HFM1: variants seen among roughly 807,000 people sequenced by gnomAD.
The protein encoded by HFM1 is probable ATP-dependent DNA helicase HFM1.
Under a neutral mutation model 192.1 loss-of-function variants are expected in HFM1, and 169 were observed. The ratio of observed to expected loss-of-function variants is 0.88; its 90% confidence interval spans 0.78 to 1.00. The LOEUF (loss-of-function observed/expected upper bound fraction) is 1.00, where lower values mean the gene tolerates loss of function less well. HFM1 is among the 50% of genes least tolerant of loss of function. HFM1 has a pLI of 0.00. For synonymous variants in HFM1, 525 were observed against 537.8 expected, an observed-to-expected ratio of 0.98 and a Z score of 0.33; for missense variants, 1,661 against 1,668.0, an observed-to-expected ratio of 1.00 and a Z score of 0.07.
intron 30 of HFM1, among the ~76,000 whole-genome samples, chr1:91,301,146 C>A (rs1232889012): frequency 4.6e-5 from 7 of 151,962 alleles, no homozygotes; most frequent in African/African-American, 1.2e-4. Flanking sequence ...CAATAACAGA[C>A]AAACAGAGCC....
chr1:91,369,897 G>A (rs907181117), intron 13 of HFM1, among the ~76,000 whole-genome samples: 1 of 152,110 alleles, frequency 6.6e-6, no homozygotes, highest in Non-Finnish European at 1.5e-5. Flanking sequence ...AATAAAAAAT[G>A]ATAAAGGGGA....
At position 91,380,504 on chromosome 1, in the gene HFM1, A is replaced by C. The variant is rs188003959; in HGVS notation, c.874-268T>G. Among the ~76,000 whole-genome samples the C allele has an allele frequency of 7.2e-5, 11 of 152,294 alleles. No homozygotes were observed. The East Asian group carries it at 1.2e-3, about 16-fold the overall frequency. On this transcript the variant is annotated intron_variant, in intron 7 of 38. Transcript: ENST00000370425. Reference sequence around the variant, plus strand: ...TGCGATGGCTTACACCTGTAATCCCAGCACTTTGGGAAGCCAAGGAAGGCA... The same window carrying C: ...TGCGATGGCTTACACCTGTAATCCCCGCACTTTGGGAAGCCAAGGAAGGCA...
chr1:91,348,985 G>T (rs1397141535), intron 18 of HFM1, among the ~76,000 whole-genome samples: 14 of 148,542 alleles, frequency 9.4e-5, no homozygotes, highest in African/African-American at 3.5e-4. Context: ...AATAATGGAG[G>T]TTTAAAAAAA....
upstream of HFM1, chr1:91,404,918 C>CCTA (rs1557548205): frequency 6.6e-6 from 3 of 453,502 alleles, no homozygotes; most frequent in Admixed American, 7.1e-5. Flanking sequence ...CCTCTCCCTT[C>CCTA]CTACCTTTTT....
At chr1:91,359,833 C>T (rs957926551) in intron 13 of HFM1, among the ~76,000 whole-genome samples, 1 of 152,078 alleles carries the variant, frequency 6.6e-6, no homozygotes. Context: ...GATTCTCCAA[C>T]GTTGAAATGA....
chr1:91,315,591 T>G (rs756667727), intron 28 of HFM1, among the ~76,000 whole-genome samples: 6 of 152,218 alleles, frequency 3.9e-5, no homozygotes, highest in Non-Finnish European at 8.8e-5. Flanking sequence ...TGGTGATAGA[T>G]TTTATACTTT....
intron 30 of HFM1, among the ~76,000 whole-genome samples, chr1:91,308,352 A>G (rs1010887558): frequency 3.9e-5 from 6 of 152,268 alleles, no homozygotes; most frequent in African/African-American, 1.4e-4. Flanking sequence ...ATATTTGGTT[A>G]TATTGAATCT....
At chr1:91,269,064 T>C (rs1666033979) in intron 34 of HFM1, among the ~76,000 whole-genome samples, 2 of 152,236 alleles carry the variant, frequency 1.3e-5, no homozygotes, top group Non-Finnish European at 2.9e-5. Flanking sequence ...TATTAAAATT[T>C]TATCCTTCAC....
intron 35 of HFM1, 140 bp downstream of exon 35, chr1:91,267,605 T>C (rs1284411048): frequency 1.1e-5 from 6 of 524,934 alleles, no homozygotes; most frequent in Non-Finnish European, 2.0e-5. Flanking sequence ...TCAGTTTTGC[T>C]AAAAATTATA....
chr1:91,318,906 CT>C (rs1224222755), intron 25 of HFM1, among the ~76,000 whole-genome samples, 171 bp downstream of exon 25: 2 of 152,150 alleles, frequency 1.3e-5, no homozygotes. Context: ...AAATGGAATC[CT>C]TTAAGCAGGA....
chr1:91,402,525 A>G (rs1169639669), intron 1 of HFM1, among the ~76,000 whole-genome samples: 1 of 152,192 alleles, frequency 6.6e-6, no homozygotes, highest in Non-Finnish European at 1.5e-5. Context: ...GACTATACGA[A>G]AAATAGAAGC....
intron 17 of HFM1, 114 bp from the exon 18 acceptor site, chr1:91,350,985 A>C (rs1656861304): frequency 4.8e-6 from 4 of 838,710 alleles, no homozygotes; most frequent in Admixed American, 3.4e-5. Context: ...CATGAAATAT[A>C]ACTTAATTTC....
At chr1:91,397,061 G>T (rs928848888) in intron 2 of HFM1, among the ~76,000 whole-genome samples, 5 of 152,186 alleles carry the variant, frequency 3.3e-5, no homozygotes, top group African/African-American at 1.2e-4. Flanking sequence ...ATCTGAGGTG[G>T]AACAGTTTCA....
rs181015339 is a variant in HFM1 at position 91,382,883 on chromosome 1, T to G, written c.803-1901A>C. ...ACTCTCAGCAGTGTCACTGAAATAATGGGGAAATGTCTGCAGAACTGAAAA... is the reference window on the plus strand; with the variant it reads ...ACTCTCAGCAGTGTCACTGAAATAAGGGGGAAATGTCTGCAGAACTGAAAA... On this transcript the variant is annotated intron_variant, in intron 6 of 38. Transcript: ENST00000370425. Among the ~76,000 whole-genome samples the G allele has an allele frequency of 2.3e-3, 353 of 152,248 alleles. 1 individual carries two copies. Among genetic ancestry groups the G allele is most frequent in the African/African-American group, 8.0e-3 (332 of 41,544 alleles).
At chr1:91,264,359 GTATTTTTT>G (rs1665478639) in intron 36 of HFM1, among the ~76,000 whole-genome samples, 1 of 54,042 alleles carries the variant, frequency 1.9e-5, no homozygotes, top group African/African-American at 7.8e-5. Flanking sequence ...CACAAATTTA[GTATTTTTT>G]TTTTTTTTTT....
At chr1:91,304,777 C>T (rs935529192) in intron 30 of HFM1, among the ~76,000 whole-genome samples, 5 of 151,912 alleles carry the variant, frequency 3.3e-5, no homozygotes, top group Non-Finnish European at 7.4e-5. Flanking sequence ...CTGCACCTGG[C>T]GAGTTTTATA....
intron 19 of HFM1, 71 bp downstream of exon 19, chr1:91,347,358 T>C (rs946751613): frequency 2.8e-5 from 22 of 787,254 alleles, no homozygotes; most frequent in Non-Finnish European, 4.2e-5. Context: ...AGCATATTCT[T>C]ACTTTCACAA....
At chr1:91,354,603 G>C (rs1230629768) in intron 13 of HFM1, among the ~76,000 whole-genome samples, 1 of 152,062 alleles carries the variant, frequency 6.6e-6, no homozygotes, top group African/African-American at 2.4e-5. Context: ...AGAGAAAAGT[G>C]TCAAGTGATT....
At chr1:91,328,834 T>C (rs1653344566) in intron 20 of HFM1, 24 of 1,611,044 alleles carry the variant, frequency 1.5e-5, no homozygotes, top group Admixed American at 3.3e-5. Flanking sequence ...TGGGCATCCC[T>C]TACCTTGATG....
Sources: allele counts gnomAD v4.1 joint callset (sites outside exome capture counted in the v4.1 genomes callset), GRCh38; gene constraint gnomAD v4.1.1; transcripts MANE v1.5; gene names NCBI Gene and HGNC (gene_info 2026-07-23, HGNC 2026-07-21).